Variants in EXOC6B observed in about 807,000 individuals in gnomAD.
EXOC6B encodes the protein exocyst complex component 6B, also known as SEC15 homolog B.
EXOC6B carries 54 observed loss-of-function variants against 113.5 expected under a neutral mutation model. That is an observed-to-expected ratio of 0.48 (90% confidence interval 0.38 to 0.60). EXOC6B has a LOEUF of 0.60. Among genes scored for constraint, EXOC6B ranks in the 20% least tolerant of loss-of-function variants. The probability of loss-of-function intolerance (pLI) is 0.00; values close to 1 mark genes in which losing one functional copy is unlikely to be tolerated. For synonymous variants in EXOC6B, 357 were observed against 339.0 expected (o/e 1.05, Z -0.58); for missense variants, 797 against 977.5 (o/e 0.82, Z 2.46).
chr2:72,264,309 GC>G (rs1490172891), intron 20 of EXOC6B, among the ~76,000 whole-genome samples: 1 of 152,114 alleles, frequency 6.6e-6, no homozygotes, highest in African/African-American at 2.4e-5. Context: ...AGTGGCTCAT[GC>G]CTGTAATCTC....
chr2:72,606,266 T>A (rs1040273481), intron 6 of EXOC6B, among the ~76,000 whole-genome samples: 3 of 152,166 alleles, frequency 2.0e-5, no homozygotes, highest in Admixed American at 1.3e-4. Flanking sequence ...TTATTTATAT[T>A]CAATGTACTG....
chr2:72,498,349 C>T lies in EXOC6B; in HGVS notation c.1337+105G>A, dbSNP rs552287757. On this transcript the variant is annotated intron_variant, in intron 13 of 21. Coordinates refer to ENST00000272427, the MANE Select transcript of EXOC6B (RefSeq NM_015189.3). ...TAGAGTAGCTACAAAATATAAGTAA[C>T]ATATACTTGTTGCCTATAACATCTG... 30 of 681,246 alleles carry T rather than the reference C, an allele frequency of 4.4e-5. No homozygotes were observed. The South Asian group carries it at 5.9e-4, about 13-fold the overall frequency. 42.2% of individuals were successfully genotyped at this position (681,246 alleles called of 1,614,324 possible). A position where few individuals can be genotyped will look rare whatever the true frequency, so the allele number is the denominator to read the frequency against.
At chr2:72,330,843 T>C (rs150638148) in intron 20 of EXOC6B, among the ~76,000 whole-genome samples, 2 of 152,174 alleles carry the variant, frequency 1.3e-5, no homozygotes, top group Non-Finnish European at 2.9e-5. Flanking sequence ...GCGCATTTCC[T>C]ATTGCTTTCT....
chr2:72,778,018 A>G (rs191453271), intron 1 of EXOC6B, among the ~76,000 whole-genome samples: 6 of 152,338 alleles, frequency 3.9e-5, no homozygotes, highest in Admixed American at 3.9e-4. Flanking sequence ...CAATGGAGAA[A>G]CCAAGGAACA....
intron 16 of EXOC6B, among the ~76,000 whole-genome samples, chr2:72,484,765 GCAAA>G (rs1377322733): frequency 6.6e-6 from 1 of 151,984 alleles, no homozygotes; most frequent in Admixed American, 6.6e-5. Context: ...CCATGTCCCT[GCAAA>G]AGACATGATC....
chr2:72,535,289 C>T (rs983424657), intron 8 of EXOC6B, among the ~76,000 whole-genome samples: 5 of 152,110 alleles, frequency 3.3e-5, no homozygotes, highest in South Asian at 2.1e-4. Flanking sequence ...CAAATATTTG[C>T]GAAATGAATA....
intron 19 of EXOC6B, among the ~76,000 whole-genome samples, chr2:72,349,208 G>C (rs1285768843): frequency 6.6e-6 from 1 of 152,250 alleles, no homozygotes; most frequent in African/African-American, 2.4e-5. Flanking sequence ...ACACTCTTGA[G>C]GTCTGTGATA....
intron 20 of EXOC6B, among the ~76,000 whole-genome samples, chr2:72,265,826 C>T (rs1573126519): frequency 6.6e-6 from 1 of 152,302 alleles, no homozygotes; most frequent in East Asian, 1.9e-4. Context: ...GAGGAATCAC[C>T]ACACTGTCTT....
chr2:72,428,597 G>A (rs1349862621), intron 18 of EXOC6B, among the ~76,000 whole-genome samples: 74 of 152,160 alleles, frequency 4.9e-4, no homozygotes. Flanking sequence ...GGAGGCATGG[G>A]ATCCAGATCA....
intron 21 of EXOC6B, among the ~76,000 whole-genome samples, chr2:72,183,639 A>G (rs1327602746): frequency 6.6e-6 from 1 of 152,110 alleles, no homozygotes; most frequent in Non-Finnish European, 1.5e-5. Flanking sequence ...ATTTCCAGGG[A>G]TTCTCTACTA....
chr2:72,494,183 T>C (rs1699909564), intron 15 of EXOC6B, among the ~76,000 whole-genome samples: 1 of 152,174 alleles, frequency 6.6e-6, no homozygotes, highest in African/African-American at 2.4e-5. Context: ...CCATTACTAA[T>C]ATTATTCCTT....
chr2:72,304,432 T>C (rs1056241073), intron 20 of EXOC6B, among the ~76,000 whole-genome samples: 1 of 152,224 alleles, frequency 6.6e-6, no homozygotes, highest in Non-Finnish European at 1.5e-5. Flanking sequence ...CTCTAATTTA[T>C]AGCTTCACAT....
chr2:72,452,118 A>C (rs960045364), intron 18 of EXOC6B, among the ~76,000 whole-genome samples: 2 of 152,122 alleles, frequency 1.3e-5, no homozygotes, highest in African/African-American at 4.8e-5. Flanking sequence ...CTTCCTTTTG[A>C]ACTTGGATTA....
Position 72,825,930 on chromosome 2 carries a change from G to C in EXOC6B, c.-20C>G. 1 of 1,610,342 alleles carries C rather than the reference G, an allele frequency of 6.2e-7. No homozygotes were observed. The highest frequency in any genetic ancestry group is 2.2e-5 in the East Asian group (1 of 44,842). On this transcript the variant is annotated 5_prime_UTR_variant, in exon 1 of 22. Transcript: ENST00000272427. The surrounding 1 kb of genome is among the most constrained non-coding windows in gnomAD (Gnocchi z 4.4). ...CTCCATAGACTGGGGGCGCCCCGCA[G>C]CGCGTCCCCTCCGTCGGCTCGGCTC...
intron 20 of EXOC6B, among the ~76,000 whole-genome samples, chr2:72,242,427 T>C (rs1053215343): frequency 2.0e-5 from 3 of 152,168 alleles, no homozygotes; most frequent in Non-Finnish European, 4.4e-5. Flanking sequence ...ATAGTGTTAT[T>C]TGAAAGTAAA....
intron 20 of EXOC6B, among the ~76,000 whole-genome samples, chr2:72,299,271 C>G (rs1227593565): frequency 6.6e-6 from 1 of 151,536 alleles, no homozygotes. Context: ...TCTGCTTGAT[C>G]AATTCGGCTA....
intron 6 of EXOC6B, among the ~76,000 whole-genome samples, chr2:72,653,119 C>A (rs1389432723): frequency 1.3e-5 from 2 of 151,614 alleles, no homozygotes; most frequent in African/African-American, 4.8e-5. Flanking sequence ...ATGTTTATTG[C>A]GGCTCTATTC....
chr2:72,248,018 C>A (rs963788149), intron 20 of EXOC6B, among the ~76,000 whole-genome samples: 4 of 152,122 alleles, frequency 2.6e-5, no homozygotes, highest in Non-Finnish European at 4.4e-5. Flanking sequence ...AATATACAAC[C>A]AAATCTCAGA....
intron 7 of EXOC6B, 76 bp from the exon 8 acceptor site, chr2:72,559,597 G>A: frequency 8.2e-7 from 1 of 1,213,038 alleles, no homozygotes; most frequent in Non-Finnish European, 1.2e-6. Flanking sequence ...TACTACTCAA[G>A]TGTTTGGTTC....
Sources: allele counts gnomAD v4.1 joint callset (sites outside exome capture counted in the v4.1 genomes callset), GRCh38; gene constraint gnomAD v4.1.1; non-coding constraint Gnocchi (gnomAD v3.1); transcripts MANE v1.5; gene names NCBI Gene and HGNC (gene_info 2026-07-23, HGNC 2026-07-21).